The following NRG3 variants were observed in gnomAD, a reference collection of about 807,000 sequenced individuals.
NRG3 encodes the protein neuregulin 3, also known as pro-neuregulin-3, membrane-bound isoform.
NRG3 carries 31 observed loss-of-function variants against 66.9 expected under a neutral mutation model. The ratio of observed to expected loss-of-function variants is 0.46; its 90% CI spans 0.35 to 0.63. NRG3 has a LOEUF of 0.63. NRG3 is among the 20% of genes least tolerant of loss of function. The pLI is 0.00. For synonymous variants in NRG3, 393 were observed against 359.4 expected, an observed-to-expected ratio of 1.09 and a Z score of -1.06; for missense variants, 910 against 878.9, an observed-to-expected ratio of 1.04 and a Z score of -0.45.
At chr10:82,647,544 G>A (rs1436127715) in intron 2 of NRG3, among the ~76,000 whole-genome samples, 1 of 152,064 alleles carries the variant, frequency 6.6e-6, no homozygotes, top group Non-Finnish European at 1.5e-5. Flanking sequence ...TGGGCCAAAT[G>A]GTATTTCTAG....
Position 82,072,580 on chromosome 10 carries a change from C to T in NRG3, c.823+196417C>T, listed in dbSNP as rs564406851. Among the ~76,000 whole-genome samples the T allele has an allele frequency of 7.8e-4, 119 of 152,102 alleles. 1 individual carries two copies. Among genetic ancestry groups the T allele is most frequent in the African/African-American group, 2.5e-3 (102 of 41,472 alleles). ...ATAAATATTTGCTCTGCTTATAGAACGTGCTGCAGATACACAGAGAGTATG... is the reference window on the plus strand; with the variant it reads ...ATAAATATTTGCTCTGCTTATAGAATGTGCTGCAGATACACAGAGAGTATG... On this transcript the variant is annotated intron_variant, in intron 1 of 8. Transcript: ENST00000372141.
intron 2 of NRG3, among the ~76,000 whole-genome samples, chr10:82,580,406 A>G (rs2046289217): frequency 6.6e-6 from 1 of 151,964 alleles, no homozygotes; most frequent in South Asian, 2.1e-4. Context: ...AAATATTATT[A>G]TTAACTGAAG....
intron 7 of NRG3, among the ~76,000 whole-genome samples, chr10:82,978,506 A>G (rs1320900183): frequency 6.6e-6 from 1 of 152,190 alleles, no homozygotes; most frequent in African/African-American, 2.4e-5. Context: ...TAATAAGTGA[A>G]TTTTTTCCCC....
chr10:82,391,408 T>C (rs559261638), intron 2 of NRG3, among the ~76,000 whole-genome samples: 1 of 152,172 alleles, frequency 6.6e-6, no homozygotes, highest in Non-Finnish European at 1.5e-5. Context: ...AAATGCTCTT[T>C]AAATGTCAAC....
intron 1 of NRG3, among the ~76,000 whole-genome samples, chr10:82,087,472 G>A (rs552252170): frequency 6.6e-6 from 1 of 151,882 alleles, no homozygotes; most frequent in East Asian, 1.9e-4. Context: ...ACCCTCTCCC[G>A]GCCTCTCAAG....
intron 1 of NRG3, among the ~76,000 whole-genome samples, chr10:81,897,013 A>G (rs910109126): frequency 6.6e-6 from 1 of 152,150 alleles, no homozygotes; most frequent in African/African-American, 2.4e-5. Flanking sequence ...AAAAAGTTTG[A>G]ATTTATATAG....
At chr10:82,489,365 G>C (rs1331136947) in intron 2 of NRG3, among the ~76,000 whole-genome samples, 1 of 152,186 alleles carries the variant, frequency 6.6e-6, no homozygotes, top group Non-Finnish European at 1.5e-5. Context: ...TGAAGTTTCT[G>C]TAGGCAGTTT....
chr10:82,752,824 A>G (rs1371416092), intron 3 of NRG3, among the ~76,000 whole-genome samples: 1 of 152,174 alleles, frequency 6.6e-6, no homozygotes, highest in African/African-American at 2.4e-5. Context: ...ACCTGCCAGC[A>G]CTTTGATCTT....
At chr10:82,682,309 G>A (rs2054159755) in intron 2 of NRG3, among the ~76,000 whole-genome samples, 1 of 152,044 alleles carries the variant, frequency 6.6e-6, no homozygotes, top group South Asian at 2.1e-4. Context: ...TTGTGTTTGT[G>A]AATATCACAC....
rs547075107 is a variant in NRG3, at chr10:82,272,583, A to G, written c.824-86156A>G. Among the ~76,000 whole-genome samples the G allele has an allele frequency of 7.9e-5, 12 of 152,212 alleles. No homozygotes were observed. In the East Asian group the frequency reaches 2.1e-3, roughly 27 times the overall value. ...CACCTGTGATTTGTTTTCTAGATTC[A>G]AATTTTCTCCCATTGAAAAAGCACA... On this transcript the variant is annotated intron_variant, in intron 1 of 8. Transcript: ENST00000372141.
At chr10:82,814,141 C>A (rs1466776839) in intron 3 of NRG3, among the ~76,000 whole-genome samples, 1 of 152,210 alleles carries the variant, frequency 6.6e-6, no homozygotes, top group East Asian at 1.9e-4. Flanking sequence ...CAGATGAAAG[C>A]ATTTCCTCCC....
intron 1 of NRG3, among the ~76,000 whole-genome samples, chr10:81,895,045 T>C (rs1385508788): frequency 6.6e-6 from 1 of 152,148 alleles, no homozygotes; most frequent in Non-Finnish European, 1.5e-5. Flanking sequence ...CCCTGTTTTT[T>C]GGCATCTACT....
intron 2 of NRG3, among the ~76,000 whole-genome samples, chr10:82,508,831 T>A (rs1270567673): frequency 6.6e-6 from 1 of 152,212 alleles, no homozygotes; most frequent in African/African-American, 2.4e-5. Flanking sequence ...GGTCCTTCTC[T>A]CATGACCATT....
At chr10:82,445,384 C>T (rs896609198) in intron 2 of NRG3, among the ~76,000 whole-genome samples, 1 of 152,102 alleles carries the variant, frequency 6.6e-6, no homozygotes, top group Non-Finnish European at 1.5e-5. Flanking sequence ...CTGTTTTTTC[C>T]TGTGCTGGAC....
chr10:82,648,681 T>C (rs1279562701), intron 2 of NRG3, among the ~76,000 whole-genome samples: 4 of 152,170 alleles, frequency 2.6e-5, no homozygotes, highest in African/African-American at 4.8e-5. Context: ...TTCTATTTCA[T>C]TGAGCAGTGG....
At chr10:82,767,873 T>TTCTCTC (rs61249173) in intron 3 of NRG3, among the ~76,000 whole-genome samples, 48 of 147,622 alleles carry the variant, frequency 3.3e-4, no homozygotes, top group East Asian at 9.9e-4. Context: ...ATTATCTCTG[T>TTCTCTC]TCTCTCTCTC....
At chr10:82,168,601 C>T (rs1359260871) in intron 1 of NRG3, among the ~76,000 whole-genome samples, 1 of 152,118 alleles carries the variant, frequency 6.6e-6, no homozygotes, top group Admixed American at 6.6e-5. Flanking sequence ...GCAGTCCTCA[C>T]CTGTGAATGA....
intron 2 of NRG3, among the ~76,000 whole-genome samples, chr10:82,652,759 A>G (rs2051528693): frequency 6.6e-6 from 1 of 152,200 alleles, no homozygotes; most frequent in South Asian, 2.1e-4. Flanking sequence ...CTGTCTGCCT[A>G]GAATTTCTCT....
chr10:82,938,665 T>C (rs1848306997), intron 4 of NRG3, among the ~76,000 whole-genome samples: 1 of 152,190 alleles, frequency 6.6e-6, no homozygotes, highest in Non-Finnish European at 1.5e-5. Context: ...ATGGAGAAGG[T>C]TGTGTGTTAC....
Sources: gnomAD v4.1 joint callset for allele counts (sites outside exome capture counted in the v4.1 genomes callset) on GRCh38, gnomAD v4.1.1 for gene constraint, MANE v1.5 for transcripts, NCBI Gene and HGNC (gene_info 2026-07-23, HGNC 2026-07-21) for gene names.